CEP85L: variants seen among roughly 807,000 people sequenced by gnomAD.
CEP85L encodes the protein centrosomal protein 85L, also known as centrosomal protein of 85 kDa-like.
A neutral mutation model predicts 100.3 loss-of-function variants in CEP85L; 60 were observed. The observed-to-expected ratio is 0.60, with a 90% CI of 0.49 to 0.74. The LOEUF (loss-of-function observed/expected upper bound fraction) is 0.74, where lower values mean the gene tolerates loss of function less well. Ranked by LOEUF, CEP85L falls within the 30% of genes least tolerant of loss-of-function variation. CEP85L has a pLI of 0.00. For synonymous variants in CEP85L, 319 were observed against 322.7 expected (o/e 0.99, Z 0.12); for missense variants, 973 against 936.2 (o/e 1.04, Z -0.51).
At chr6:118,708,720 A>T (rs1215982806) in intron 1 of CEP85L, among the ~76,000 whole-genome samples, 3 of 152,176 alleles carry the variant, frequency 2.0e-5, no homozygotes, top group African/African-American at 7.2e-5. Flanking sequence ...AATTCAGTCA[A>T]TAATCTCACC....
At chr6:118,505,440 T>TAAAAAAAAA (rs1775591946) in intron 5 of CEP85L, among the ~76,000 whole-genome samples, 7 of 65,974 alleles carry the variant, frequency 1.1e-4, no homozygotes, top group Non-Finnish European at 1.5e-4. Flanking sequence ...AAAAAAAAAG[T>TAAAAAAAAA]TAACACAGAT....
intron 6 of CEP85L, among the ~76,000 whole-genome samples, chr6:118,487,568 T>C (rs1263943420): frequency 6.6e-6 from 1 of 152,192 alleles, no homozygotes; most frequent in Non-Finnish European, 1.5e-5. Context: ...ATTAAGGAAA[T>C]GTAGGACACC....
chr6:118,641,739 G>C (rs1774889137), intron 1 of CEP85L, among the ~76,000 whole-genome samples: 1 of 151,558 alleles, frequency 6.6e-6, no homozygotes, highest in African/African-American at 2.4e-5. Context: ...AAAACCTGAA[G>C]ATAATACTAA....
At chr6:118,682,162 T>G (rs1170681023) in intron 1 of CEP85L, among the ~76,000 whole-genome samples, 1 of 152,224 alleles carries the variant, frequency 6.6e-6, no homozygotes, top group Non-Finnish European at 1.5e-5. Flanking sequence ...AAAGCCTGTA[T>G]TGCACTTAAA....
At chr6:118,547,197 T>C (rs918764875) in intron 3 of CEP85L, among the ~76,000 whole-genome samples, 4 of 152,062 alleles carry the variant, frequency 2.6e-5, no homozygotes, top group African/African-American at 9.7e-5. Flanking sequence ...CTTAAGTAAA[T>C]CTAACATCTA....
rs1491342090 is a variant in CEP85L at position 118,501,778 on chromosome 6, TCA to T, written c.1257+9518_1257+9519del. 2.8e-5 allele frequency: 28 copies of T among 998,808 alleles called. No homozygotes were observed. The East Asian group carries it at 6.4e-4, about 23-fold the overall frequency. 61.9% of individuals were successfully genotyped at this position (998,808 alleles called of 1,614,324 possible). The stretch of plus-strand genomic sequence containing the variant: ...AAAGCAGAAAGACAGAACAGACATC[TCA>T]CAGAGTGGGGAGGATGGAGGCTGCT... On this transcript the variant is annotated intron_variant, in intron 5 of 12. Coordinates refer to ENST00000368491, the MANE Select transcript of CEP85L (RefSeq NM_001042475.3).
At chr6:118,556,734 A>G (rs1778901531) in intron 3 of CEP85L, among the ~76,000 whole-genome samples, 1 of 152,198 alleles carries the variant, frequency 6.6e-6, no homozygotes. Context: ...GTTAACAGTC[A>G]CTATGTCTGG....
At chr6:118,466,509 AAAC>A (rs1197127539) in intron 12 of CEP85L, among the ~76,000 whole-genome samples, 2 of 152,220 alleles carry the variant, frequency 1.3e-5, no homozygotes, top group African/African-American at 2.4e-5. Flanking sequence ...ATAAAAAAAC[AAAC>A]AACTAGTCCT....
intron 2 of CEP85L, among the ~76,000 whole-genome samples, chr6:118,593,811 C>A (rs897982808): frequency 6.6e-6 from 1 of 152,062 alleles, no homozygotes; most frequent in African/African-American, 2.4e-5. Context: ...TGGTCTCCTA[C>A]CTTCCAGTTT....
chr6:118,700,768 C>G (rs954263511), intron 1 of CEP85L, among the ~76,000 whole-genome samples: 9 of 152,134 alleles, frequency 5.9e-5, no homozygotes, highest in African/African-American at 2.2e-4. Context: ...GAACCCCTGA[C>G]AGTAACAGCA....
intron 5 of CEP85L, among the ~76,000 whole-genome samples, chr6:118,503,719 T>G (rs192483384): frequency 1.3e-4 from 20 of 150,826 alleles, no homozygotes; most frequent in African/African-American, 4.9e-4. Flanking sequence ...TGCTGAACAA[T>G]TGGACATCCA....
At chr6:118,599,415 C>T (rs1781610280) in intron 2 of CEP85L, among the ~76,000 whole-genome samples, 1 of 151,976 alleles carries the variant, frequency 6.6e-6, no homozygotes, top group Non-Finnish European at 1.5e-5. Flanking sequence ...AAAACAAATT[C>T]ACATAGTCTA....
At chr6:118,494,654 G>C (rs1200155429) in intron 5 of CEP85L, among the ~76,000 whole-genome samples, 1 of 152,100 alleles carries the variant, frequency 6.6e-6, no homozygotes, top group Non-Finnish European at 1.5e-5. Flanking sequence ...TTCACCAAAA[G>C]ACTGAGACCT....
At chr6:118,673,619 A>G (rs544910869) in intron 1 of CEP85L, among the ~76,000 whole-genome samples, 55 of 152,346 alleles carry the variant, frequency 3.6e-4, no homozygotes, top group African/African-American at 1.3e-3. Context: ...TCCCACAGAC[A>G]CTTGGAATGC....
intron 5 of CEP85L, among the ~76,000 whole-genome samples, chr6:118,496,976 G>T (rs1774968696): frequency 6.6e-6 from 1 of 152,178 alleles, no homozygotes; most frequent in African/African-American, 2.4e-5. Context: ...TCTTGAAACA[G>T]ACTGAGCCAG....
At chr6:118,526,776 C>T (rs1236468776) in intron 3 of CEP85L, among the ~76,000 whole-genome samples, 1 of 152,194 alleles carries the variant, frequency 6.6e-6, no homozygotes, top group Non-Finnish European at 1.5e-5. Context: ...CCCACCAGTG[C>T]CATAACATAG....
At chr6:118,625,630 G>A (rs1395006252) in intron 2 of CEP85L, among the ~76,000 whole-genome samples, 1 of 152,182 alleles carries the variant, frequency 6.6e-6, no homozygotes, top group Non-Finnish European at 1.5e-5. Context: ...CCTCTTCTTA[G>A]GAGAAGAATG....
intron 2 of CEP85L, among the ~76,000 whole-genome samples, chr6:118,610,197 A>AT (rs1484523568): frequency 6.6e-6 from 1 of 152,202 alleles, no homozygotes; most frequent in East Asian, 1.9e-4. Flanking sequence ...GATAACTATA[A>AT]TAAGTAATAC....
At chr6:118,644,022 A>G (rs1021920993) in intron 1 of CEP85L, among the ~76,000 whole-genome samples, 4 of 152,242 alleles carry the variant, frequency 2.6e-5, no homozygotes, top group African/African-American at 7.2e-5. Flanking sequence ...AGTGGTAAAG[A>G]GCAATTCAAA....
Sources: gnomAD v4.1 joint callset for allele counts (sites outside exome capture counted in the v4.1 genomes callset) on GRCh38, gnomAD v4.1.1 for gene constraint, MANE v1.5 for transcripts, NCBI Gene and HGNC (gene_info 2026-07-23, HGNC 2026-07-21) for gene names.